Variants in NRXN1 observed in about 807,000 individuals in gnomAD.
NRXN1 encodes neurexin 1.
In NRXN1, 39 loss-of-function variants were observed where a neutral mutation model predicts 150.9. That is an observed-to-expected ratio of 0.26 (90% CI 0.20 to 0.34). The LOEUF (loss-of-function observed/expected upper bound fraction) is 0.34, where lower values mean the gene tolerates loss of function less well. NRXN1 is among the 10% of genes least tolerant of loss of function. NRXN1 has a pLI of 1.00. For synonymous variants in NRXN1, 924 were observed against 757.0 expected (o/e 1.22, Z -3.62); for missense variants, 1,815 against 1,949.9 (o/e 0.93, Z 1.30).
chr2:50,451,260 C>T (rs758777836), intron 17 of NRXN1, among the ~76,000 whole-genome samples: 10 of 152,190 alleles, frequency 6.6e-5, no homozygotes, highest in East Asian at 3.9e-4. Context: ...TGAGTCACCA[C>T]GCCTGGCCTA....
At chr2:49,930,561 C>T (rs910121785) in intron 22 of NRXN1, among the ~76,000 whole-genome samples, 1 of 152,162 alleles carries the variant, frequency 6.6e-6, no homozygotes, top group African/African-American at 2.4e-5. Flanking sequence ...AATAAATTCT[C>T]TCAACCGTAT....
At chr2:50,180,932 T>C (rs181371910) in intron 18 of NRXN1, among the ~76,000 whole-genome samples, 2,042 of 152,226 alleles carry the variant, frequency 0.013, 22 homozygotes, top group Middle Eastern at 0.031. Context: ...TTGACAGGTG[T>C]TCAAAACAGC....
intron 5 of NRXN1, among the ~76,000 whole-genome samples, chr2:50,752,094 C>T (rs1332411479): frequency 2.0e-5 from 3 of 151,936 alleles, no homozygotes; most frequent in Non-Finnish European, 2.9e-5. Flanking sequence ...GACTCAGGCT[C>T]AAACAAACCT....
intron 17 of NRXN1, among the ~76,000 whole-genome samples, chr2:50,301,724 A>G (rs1013790782): frequency 2.6e-5 from 4 of 152,190 alleles, no homozygotes; most frequent in Non-Finnish European, 4.4e-5. Flanking sequence ...ACAATACAGG[A>G]ACACAAGAGA....
chr2:50,438,713 A>G (rs1003591161), intron 17 of NRXN1, among the ~76,000 whole-genome samples: 25 of 152,260 alleles, frequency 1.6e-4, no homozygotes, highest in African/African-American at 5.5e-4. Flanking sequence ...GGAGAATAAA[A>G]ACGACTAATA....
At chr2:49,946,229 G>C (rs754816423) in intron 21 of NRXN1, among the ~76,000 whole-genome samples, 11 of 152,068 alleles carry the variant, frequency 7.2e-5, no homozygotes, top group Non-Finnish European at 1.6e-4. Context: ...TTTTGATGGG[G>C]TTGTTTTGTT....
intron 18 of NRXN1, among the ~76,000 whole-genome samples, chr2:50,215,760 A>C (rs1440410671): frequency 6.6e-6 from 1 of 152,102 alleles, no homozygotes; most frequent in Non-Finnish European, 1.5e-5. Context: ...AAATTAAGGA[A>C]TTATTGTTAA....
intron 8 of NRXN1, chr2:50,619,675 T>A (rs1202255490): frequency 1.0e-5 from 4 of 387,624 alleles, no homozygotes; most frequent in Non-Finnish European, 1.8e-5. Context: ...ACTGTATGCA[T>A]AACACCTATG....
At chr2:50,168,578 A>T (rs2059826405) in intron 18 of NRXN1, among the ~76,000 whole-genome samples, 1 of 152,198 alleles carries the variant, frequency 6.6e-6, no homozygotes, top group African/African-American at 2.4e-5. Context: ...TCTTTTGTTG[A>T]TAACGAATCA....
intron 18 of NRXN1, among the ~76,000 whole-genome samples, chr2:50,118,140 C>A (rs2152732719): frequency 6.6e-6 from 1 of 152,230 alleles, no homozygotes; most frequent in African/African-American, 2.4e-5. Flanking sequence ...CAGAATGTGT[C>A]CGTTAGTAAG....
At chr2:50,695,282 G>T (rs962853941) in intron 5 of NRXN1, among the ~76,000 whole-genome samples, 2 of 152,104 alleles carry the variant, frequency 1.3e-5, no homozygotes, top group African/African-American at 2.4e-5. Flanking sequence ...CAAATGTGAG[G>T]ATTAGATTGT....
At chr2:50,591,391 G>GATAA (rs1348311168) in intron 8 of NRXN1, among the ~76,000 whole-genome samples, 2 of 131,552 alleles carry the variant, frequency 1.5e-5, no homozygotes, top group Non-Finnish European at 1.7e-5. Flanking sequence ...CAGATAGATA[G>GATAA]ATAGATAGAT....
chr2:50,956,107 A>G (rs891277243), intron 2 of NRXN1, among the ~76,000 whole-genome samples: 1 of 151,970 alleles, frequency 6.6e-6, no homozygotes, highest in South Asian at 2.1e-4. Flanking sequence ...CCTTATCCAC[A>G]TTTTCACTTT....
intron 5 of NRXN1, among the ~76,000 whole-genome samples, chr2:50,765,194 C>T (rs1203723818): frequency 2.0e-5 from 3 of 152,022 alleles, no homozygotes; most frequent in Non-Finnish European, 2.9e-5. Flanking sequence ...GAAAACCTTA[C>T]TTTCCTTCTC....
At chr2:50,736,927 G>A (rs1303095491) in intron 5 of NRXN1, among the ~76,000 whole-genome samples, 1 of 152,074 alleles carries the variant, frequency 6.6e-6, no homozygotes. Flanking sequence ...CTTGCCAAAT[G>A]AATAAATGGA....
chr2:50,789,398 C>T (rs1346947357), intron 5 of NRXN1, among the ~76,000 whole-genome samples: 1 of 152,184 alleles, frequency 6.6e-6, no homozygotes, highest in Non-Finnish European at 1.5e-5. Flanking sequence ...TATTCAATCT[C>T]AGCTACAGGG....
At chr2:50,261,297 T>TA (rs1408148844) in intron 17 of NRXN1, among the ~76,000 whole-genome samples, 1 of 151,808 alleles carries the variant, frequency 6.6e-6, no homozygotes, top group Non-Finnish European at 1.5e-5. Flanking sequence ...AATATTTAAT[T>TA]ATTTTTCCCA....
intron 2 of NRXN1, among the ~76,000 whole-genome samples, chr2:51,000,190 T>G (rs1179181957): frequency 6.6e-6 from 1 of 151,996 alleles, no homozygotes; most frequent in Non-Finnish European, 1.5e-5. Flanking sequence ...GCATGTTTCT[T>G]TGTTGTGTTT....
chr2:50,290,976 C>T (rs551042641), intron 17 of NRXN1, among the ~76,000 whole-genome samples: 2 of 152,046 alleles, frequency 1.3e-5, no homozygotes, highest in Admixed American at 1.3e-4. Context: ...TGCAATTACC[C>T]GTCAAATGTG....
Sources: allele counts gnomAD v4.1 joint callset (sites outside exome capture counted in the v4.1 genomes callset), GRCh38; gene constraint gnomAD v4.1.1; transcripts MANE v1.5; gene names NCBI Gene and HGNC (gene_info 2026-07-23, HGNC 2026-07-21).